KMT2C: variants seen among roughly 807,000 people sequenced by gnomAD.
KMT2C encodes the protein histone-lysine N-methyltransferase 2C.
A neutral mutation model predicts 507.9 loss-of-function variants in KMT2C; 88 were observed. The observed-to-expected ratio is 0.17, with a 90% confidence interval of 0.15 to 0.21. The LOEUF is 0.21. Among genes scored for constraint, KMT2C ranks in the 10% least tolerant of loss-of-function variants. The pLI, the probability that KMT2C is intolerant of heterozygous loss-of-function variation, is 1.00. For synonymous variants in KMT2C, 2,049 were observed against 2,080.8 expected (o/e 0.98, Z 0.42); for missense variants, 4,954 against 5,957.8 (o/e 0.83, Z 5.55).
chr7:152,206,486 G>GAAGT (rs2094311788), intron 24 of KMT2C, among the ~76,000 whole-genome samples: 1 of 152,052 alleles, frequency 6.6e-6, no homozygotes, highest in Non-Finnish European at 1.5e-5. Context: ...GAATACGAAT[G>GAAGT]AAGTAAGAAA....
intron 14 of KMT2C, among the ~76,000 whole-genome samples, chr7:152,244,308 G>A (rs2095434536): frequency 6.6e-6 from 1 of 152,204 alleles, no homozygotes; most frequent in African/African-American, 2.4e-5. Context: ...AAAATCTACC[G>A]AGTTGATTAC....
chr7:152,319,711 G>A (rs569721706), intron 3 of KMT2C, among the ~76,000 whole-genome samples: 14 of 152,192 alleles, frequency 9.2e-5, no homozygotes, highest in African/African-American at 2.9e-4. Context: ...CTCCTAGTCC[G>A]CCTTCATGTT....
chr7:152,392,513 T>A (rs544468930), intron 1 of KMT2C, among the ~76,000 whole-genome samples: 54 of 152,318 alleles, frequency 3.5e-4, no homozygotes, highest in African/African-American at 1.1e-3. Context: ...ATGGAACTGT[T>A]CTCATATCCC....
chr7:152,169,320 A>G lies in KMT2C; in HGVS notation c.9454-71T>C, dbSNP rs1188783940. ...TAAAGGGGGGAAAAAACTTTAAAAG[A>G]AAGAAAGAAAAAAAGAAATGGAAGA... is the stretch of plus-strand genomic sequence containing the variant. On this transcript the variant is annotated intron_variant, in intron 40 of 58. Coordinates refer to ENST00000262189, the MANE Select transcript of KMT2C (RefSeq NM_170606.3). 23 of 818,002 alleles carry G rather than the reference A, an allele frequency of 2.8e-5. No individual in the cohort carries two copies. In the South Asian group the frequency reaches 3.5e-4, roughly 12 times the overall value. The allele number at this position is 818,002 out of a possible 1,614,324, so 50.7% of individuals were successfully genotyped here.
At chr7:152,384,649 T>A (rs1010326343) in intron 1 of KMT2C, among the ~76,000 whole-genome samples, 1 of 147,824 alleles carries the variant, frequency 6.8e-6, no homozygotes, top group Non-Finnish European at 1.5e-5. Context: ...ATGACTCCTT[T>A]AGAGATCTTG....
rs1456897625 is a variant in KMT2C, at chr7:152,297,051, AAGACAGAGAGAGAGAGAG to A, written c.849+12897_849+12914del. ...AAAGAAAGAAAGAAAGAAAGAAAGA[AAGACAGAGAGAGAGAGAG>A]AGAGAGAGAGAGAGAGAGAGAGAGA... On this transcript the variant is annotated intron_variant, in intron 6 of 58. Transcript: ENST00000262189. Among the ~76,000 whole-genome samples, 6 of 60,238 alleles carry A rather than the reference AAGACAGAGAGAGAGAGAG, an allele frequency of 1.0e-4. 1 individual carries two copies. The highest frequency in any genetic ancestry group is 2.0e-4 in the African/African-American group (3 of 14,754). The allele number at this position is 60,238 out of a possible 152,430, so 39.5% of individuals were successfully genotyped here.
chr7:152,230,779 G>A (rs1231475781), intron 16 of KMT2C, among the ~76,000 whole-genome samples: 8 of 152,100 alleles, frequency 5.3e-5, no homozygotes, highest in Admixed American at 2.0e-4. Flanking sequence ...TATATCGGTC[G>A]AAATGGAAGG....
In KMT2C at chr7:152,139,349, T is replaced by G. The variant is rs1563113893; in HGVS notation, c.14461-90A>C. On this transcript the variant is annotated intron_variant, in intron 56 of 58. Transcript: ENST00000262189. ...CACACCAGGAGGACTCAGTCGAAAC[T>G]GAACGGAACGGCAGCCTGATCATCC... is the stretch of plus-strand genomic sequence containing the variant. 3 of 1,189,464 alleles carry G rather than the reference T, an allele frequency of 2.5e-6. No individual in the cohort carries two copies. In the Admixed American group the frequency reaches 5.2e-5, roughly 21 times the overall value. 73.7% of individuals were successfully genotyped at this position (1,189,464 alleles called of 1,614,324 possible). A position where few individuals can be genotyped will look rare whatever the true frequency, so the allele number is the denominator to read the frequency against.
chr7:152,361,488 G>A (rs989148834), intron 1 of KMT2C, among the ~76,000 whole-genome samples: 2 of 152,028 alleles, frequency 1.3e-5, no homozygotes, highest in African/African-American at 2.4e-5. Flanking sequence ...GCGTGAACCC[G>A]GGAGGCAGAG....
intron 23 of KMT2C, among the ~76,000 whole-genome samples, chr7:152,210,111 C>T (rs543993767): frequency 1.3e-5 from 2 of 152,256 alleles, no homozygotes; most frequent in Admixed American, 1.3e-4. Context: ...ATCCTGCTCC[C>T]GCTGCCAGAC....
At chr7:152,396,387 G>A (rs2116581379) in intron 1 of KMT2C, among the ~76,000 whole-genome samples, 1 of 152,288 alleles carries the variant, frequency 6.6e-6, no homozygotes, top group East Asian at 1.9e-4. Flanking sequence ...TTACTTTTTA[G>A]GTTGTTGTGA....
At position 152,152,939 on chromosome 7, in the gene KMT2C, C is replaced by T; in HGVS notation, c.12292G>A (p.Val4098Met). ...PTAAENISSV[V>M]AAFSDLLHVR... ...TGAAGAAGGTCGGAAAATGCAGCCACAACACTGCTAATGTTCTAAAACCAA... is the reference window on the plus strand; with the variant it reads ...TGAAGAAGGTCGGAAAATGCAGCCATAACACTGCTAATGTTCTAAAACCAA... Residue 4098 changes from valine (V) to methionine (M), a missense_variant, in exon 49 of 59, where the codon GTG (valine) becomes ATG (methionine). By Grantham distance (21) the Val-to-Met change is conservative (BLOSUM62 1). Transcript: ENST00000262189. 1.2e-6 allele frequency: 2 copies of T among 1,614,174 alleles called. No homozygotes were observed. Among genetic ancestry groups the T allele is most frequent in the Non-Finnish European group, 8.5e-7 (1 of 1,180,016 alleles).
chr7:152,140,491 G>A (rs1487544608), intron 55 of KMT2C, among the ~76,000 whole-genome samples: 1 of 152,206 alleles, frequency 6.6e-6, no homozygotes, highest in Non-Finnish European at 1.5e-5. Flanking sequence ...ACAACTTGTA[G>A]AGAAACATAC....
At chr7:152,281,947 G>C (rs1254917723) in intron 6 of KMT2C, among the ~76,000 whole-genome samples, 3 of 152,038 alleles carry the variant, frequency 2.0e-5, no homozygotes, top group Admixed American at 2.0e-4. Context: ...CTATGGAAAT[G>C]TACTAAGTAC....
At chr7:152,215,810 G>C (rs2094569425) in intron 23 of KMT2C, among the ~76,000 whole-genome samples, 1 of 151,842 alleles carries the variant, frequency 6.6e-6, no homozygotes, top group South Asian at 2.1e-4. Context: ...GAGGTTTCTG[G>C]AGATGTAAAC....
chr7:152,320,008 C>T (rs1367203474), intron 3 of KMT2C, among the ~76,000 whole-genome samples: 1 of 152,056 alleles, frequency 6.6e-6, no homozygotes, highest in East Asian at 1.9e-4. Flanking sequence ...CCGGTCTCCG[C>T]GTCTTGGTGG....
At chr7:152,413,923 T>C (rs1252696173) in intron 1 of KMT2C, among the ~76,000 whole-genome samples, 3 of 146,364 alleles carry the variant, frequency 2.0e-5, no homozygotes, top group Non-Finnish European at 4.5e-5. Flanking sequence ...ATTTAGAAAA[T>C]GTATGAGGCC....
chr7:152,240,911 C>G (rs2095370592), intron 14 of KMT2C, among the ~76,000 whole-genome samples: 1 of 152,182 alleles, frequency 6.6e-6, no homozygotes, highest in African/African-American at 2.4e-5. Context: ...TCTACTGAAG[C>G]CTTTCCCCAC....
At chr7:152,160,585 C>A (rs1014334651) in intron 43 of KMT2C, among the ~76,000 whole-genome samples, 2 of 150,918 alleles carry the variant, frequency 1.3e-5, no homozygotes, top group Non-Finnish European at 3.0e-5. Flanking sequence ...AAGGACTGCA[C>A]TCTGAGTGGC....
Sources: allele counts gnomAD v4.1 joint callset (sites outside exome capture counted in the v4.1 genomes callset), GRCh38; gene constraint gnomAD v4.1.1; transcripts MANE v1.5; gene names NCBI Gene and HGNC (gene_info 2026-07-23, HGNC 2026-07-21).